LOXHD1: variants seen among roughly 807,000 people sequenced by gnomAD.
The protein encoded by LOXHD1 is lipoxygenase homology PLAT domains 1, also known as lipoxygenase homology domain-containing protein 1.
LOXHD1 carries 205 observed loss-of-function variants against 248.2 expected under a neutral mutation model. The observed-to-expected ratio is 0.83, with a 90% confidence interval of 0.74 to 0.93. LOXHD1 has a LOEUF of 0.93. LOXHD1 is among the 40% of genes least tolerant of loss of function. The pLI, the probability that LOXHD1 is intolerant of heterozygous loss-of-function variation, is 0.00. For synonymous variants in LOXHD1, 1,113 were observed against 1,162.8 expected (o/e 0.96, Z 0.87); for missense variants, 2,930 against 2,971.6 (o/e 0.99, Z 0.33).
At chr18:46,489,988 G>T (rs1254629699) in intron 37 of LOXHD1, among the ~76,000 whole-genome samples, 1 of 152,218 alleles carries the variant, frequency 6.6e-6, no homozygotes, top group South Asian at 2.1e-4. Flanking sequence ...AATTGGCAGG[G>T]CTTCCCTCGG....
chr18:46,509,388 C>A (rs1276274165), intron 35 of LOXHD1, among the ~76,000 whole-genome samples: 1 of 152,250 alleles, frequency 6.6e-6, no homozygotes, highest in South Asian at 2.1e-4. Flanking sequence ...CCTCTCTCAA[C>A]CCTCCCAGCT....
At chr18:46,487,376 C>G (rs554485011) in intron 38 of LOXHD1, among the ~76,000 whole-genome samples, 55 of 152,302 alleles carry the variant, frequency 3.6e-4, no homozygotes, top group South Asian at 8.3e-4. Context: ...GATTCCATGT[C>G]ACATTGTTCA....
intron 17 of LOXHD1, 40 bp downstream of exon 17, chr18:46,566,217 T>A (rs1212633479): frequency 6.6e-7 from 1 of 1,517,880 alleles, no homozygotes; most frequent in Non-Finnish European, 8.9e-7. Flanking sequence ...CCATCCCCCA[T>A]GGGAAACAAT....
At chr18:46,519,545 C>A (rs1167698628) in intron 33 of LOXHD1, among the ~76,000 whole-genome samples, 1 of 152,156 alleles carries the variant, frequency 6.6e-6, no homozygotes, top group Non-Finnish European at 1.5e-5. Flanking sequence ...CTTGCTTTAC[C>A]AAGAAAATCC....
chr18:46,592,691 G>A, intron 10 of LOXHD1, 107 bp from the exon 11 acceptor site: 1 of 901,966 alleles, frequency 1.1e-6, no homozygotes, highest in Non-Finnish European at 1.8e-6. Flanking sequence ...TCTTTCTTCA[G>A]CAGTGAGGAT....
rs79697719 is a variant in LOXHD1, at chr18:46,648,430, C to A, written c.245+725G>T. On this transcript the variant is annotated intron_variant, in intron 2 of 40. Transcript: ENST00000642948. ...ATAGAGCAGCAGTTTTCAAATGTTTCATGGACTCAGACCAGCTGATCAATT... is the reference window on the plus strand; with the variant it reads ...ATAGAGCAGCAGTTTTCAAATGTTTAATGGACTCAGACCAGCTGATCAATT... Among the ~76,000 whole-genome samples, 29 of 152,334 alleles carry A rather than the reference C, an allele frequency of 1.9e-4. No individual in the cohort carries two copies. In the East Asian group the frequency reaches 4.8e-3, roughly 25 times the overall value.
chr18:46,537,545 G>A (rs967976022), intron 26 of LOXHD1, among the ~76,000 whole-genome samples: 4 of 152,134 alleles, frequency 2.6e-5, no homozygotes, highest in Admixed American at 6.5e-5. Flanking sequence ...ACCCAACCTA[G>A]TGCACAGCTG....
chr18:46,620,977 G>A (rs1199396644), intron 4 of LOXHD1, among the ~76,000 whole-genome samples: 1 of 152,202 alleles, frequency 6.6e-6, no homozygotes, highest in Non-Finnish European at 1.5e-5. Context: ...TGGGGAGACA[G>A]GCCAACTGTC....
intron 22 of LOXHD1, among the ~76,000 whole-genome samples, chr18:46,546,316 T>G (rs2036825820): frequency 6.6e-6 from 1 of 152,046 alleles, no homozygotes; most frequent in Non-Finnish European, 1.5e-5. Context: ...TCTACTCCAC[T>G]CCACTCCACT....
intron 6 of LOXHD1, among the ~76,000 whole-genome samples, chr18:46,609,222 T>C (rs1264496473): frequency 6.6e-6 from 1 of 152,184 alleles, no homozygotes; most frequent in Non-Finnish European, 1.5e-5. Context: ...AAAGTCCCAG[T>C]GCTGGCGATG....
chr18:46,646,483 C>T (rs1301913788), intron 2 of LOXHD1, among the ~76,000 whole-genome samples: 1 of 152,152 alleles, frequency 6.6e-6, no homozygotes, highest in Admixed American at 6.5e-5. Context: ...CTCTGGCCTC[C>T]TCCTTCCCCA....
rs997622169 is a variant in LOXHD1 at position 46,546,959 on chromosome 18, C to T, written c.3450G>A (p.Gln1150=). Residue 1150 remains glutamine, a synonymous_variant, in exon 22 of 41, where the codon CAG becomes CAA. Transcript: ENST00000642948. ...CACCGCCTCCCCTACCCTCCTCGCT[C>T]TGTGGCAGCACATAGGACTCATCCA... ...LPVDESYVLP[Q]SEEGRGGGDN... 54 of 1,551,646 alleles carry T rather than the reference C, an allele frequency of 3.5e-5. 1 individual carries two copies. Among genetic ancestry groups the T allele is most frequent in the Middle Eastern group, 1.7e-4 (1 of 6,014 alleles).
chr18:46,636,234 G>A (rs973531682), intron 4 of LOXHD1, among the ~76,000 whole-genome samples: 1 of 152,182 alleles, frequency 6.6e-6, no homozygotes, highest in Non-Finnish European at 1.5e-5. Flanking sequence ...GGGGTTAGAG[G>A]TTGGGTACTT....
intron 4 of LOXHD1, among the ~76,000 whole-genome samples, chr18:46,623,144 C>T (rs150491937): frequency 6.6e-6 from 1 of 152,156 alleles, no homozygotes; most frequent in African/African-American, 2.4e-5. Context: ...TATATGGAAC[C>T]TTTGTGCAAA....
At chr18:46,494,849 C>CTTTTTTTTTTTTTTTTTTT (rs58016824) in intron 37 of LOXHD1, among the ~76,000 whole-genome samples, 12 of 96,554 alleles carry the variant, frequency 1.2e-4, no homozygotes, top group Non-Finnish European at 2.1e-4. Context: ...TTCTCTCTCT[C>CTTTTTTTTTTTTTTTTTTT]TTTTTTTTTT....
intron 4 of LOXHD1, among the ~76,000 whole-genome samples, chr18:46,630,671 C>A (rs2038808721): frequency 6.6e-6 from 1 of 152,206 alleles, no homozygotes; most frequent in Non-Finnish European, 1.5e-5. Context: ...AGTAGCCCTG[C>A]ATTCTCAGCC....
chr18:46,549,818 C>T (rs1436321309), intron 21 of LOXHD1, among the ~76,000 whole-genome samples: 2 of 152,128 alleles, frequency 1.3e-5, no homozygotes, highest in Non-Finnish European at 2.9e-5. Flanking sequence ...CCCCCCAGGC[C>T]ATCAATTAAA....
At chr18:46,594,229 C>T in intron 9 of LOXHD1, 102 bp downstream of exon 9, 1 of 1,418,126 alleles carries the variant, frequency 7.1e-7, no homozygotes, top group South Asian at 1.3e-5. Flanking sequence ...ACTTGAGAAG[C>T]AGGAGTGGAC....
intron 27 of LOXHD1, 53 bp from the exon 28 acceptor site, chr18:46,533,377 T>G: frequency 6.5e-7 from 1 of 1,539,612 alleles, no homozygotes. Context: ...AGCTGCCAAC[T>G]TCAGGGATTC....
Sources: allele counts gnomAD v4.1 joint callset (sites outside exome capture counted in the v4.1 genomes callset), GRCh38; gene constraint gnomAD v4.1.1; transcripts MANE v1.5; gene names NCBI Gene and HGNC (gene_info 2026-07-23, HGNC 2026-07-21).